The following NUDT5 variants were observed in gnomAD, a reference collection of about 807,000 sequenced individuals.
NUDT5 encodes nudix hydrolase 5.
NUDT5 carries 21 observed loss-of-function variants against 34.1 expected under a neutral mutation model. The ratio of observed to expected loss-of-function variants is 0.62; its 90% CI spans 0.44 to 0.89. The LOEUF (loss-of-function observed/expected upper bound fraction) is 0.89, where lower values mean the gene tolerates loss of function less well. Among genes scored for constraint, NUDT5 ranks in the 40% least tolerant of loss-of-function variants. The probability of loss-of-function intolerance (pLI) is 0.00; values close to 1 mark genes in which losing one functional copy is unlikely to be tolerated. For missense variants in NUDT5, 249 were observed against 274.8 expected (o/e 0.91, Z 0.66); for synonymous variants, 85 against 97.6 (o/e 0.87, Z 0.76).
intron 1 of NUDT5, among the ~76,000 whole-genome samples, chr10:12,189,980 G>A (rs1183378424): frequency 4.7e-5 from 7 of 149,936 alleles, no homozygotes; most frequent in Admixed American, 3.3e-4. Context: ...TGCAAGCTCC[G>A]CCTCCTGGGT....
rs531311182 is a variant in NUDT5, at chr10:12,177,678, T to A, written c.289+115A>T. 1.0e-5 allele frequency: 8 copies of A among 770,538 alleles called. No homozygotes were observed. In the African/African-American group the frequency reaches 1.4e-4, roughly 13 times the overall value. 47.7% of individuals were successfully genotyped at this position (770,538 alleles called of 1,614,324 possible). On this transcript the variant is annotated intron_variant, in intron 5 of 9. Transcript: ENST00000491614. Reference sequence around the variant, plus strand: ...GCCTCGCTACGAAATGGTTTAGTTTTACTTAAAACCACAAGGACAGATTAA... The same window carrying A: ...GCCTCGCTACGAAATGGTTTAGTTTAACTTAAAACCACAAGGACAGATTAA...
At chr10:12,177,460 A>G (rs552018528) in intron 5 of NUDT5, among the ~76,000 whole-genome samples, 4 of 152,138 alleles carry the variant, frequency 2.6e-5, no homozygotes, top group African/African-American at 9.7e-5. Context: ...CGGAGGTTGC[A>G]GTGAGCCGAG....
chr10:12,183,422 G>A (rs1357138146), intron 3 of NUDT5, among the ~76,000 whole-genome samples: 1 of 152,086 alleles, frequency 6.6e-6, no homozygotes. Flanking sequence ...CCTTATTAAG[G>A]GCTTTGCTAG....
At position 12,170,599 on chromosome 10, in the gene NUDT5, C is replaced by A; in HGVS notation, c.550+118G>T. The A allele has an allele frequency of 1.0e-6, 1 of 965,970 alleles. No individual in the cohort carries two copies. The highest frequency in any genetic ancestry group is 1.7e-6 in the Non-Finnish European group (1 of 602,152). 59.8% of individuals were successfully genotyped at this position (965,970 alleles called of 1,614,324 possible). ...ACCTGCAGTTTTACAAGTTGCTAGG[C>A]ATTTGACTTTAGTGATACAAAAAAG... On this transcript the variant is annotated intron_variant, in intron 9 of 9. Coordinates refer to ENST00000491614, the MANE Select transcript of NUDT5 (RefSeq NM_014142.4). This position sits in a 1 kb window ranked among gnomAD's most constrained non-coding sequence, Gnocchi z 4.9.
intron 4 of NUDT5, among the ~76,000 whole-genome samples, chr10:12,178,790 T>C (rs997422607): frequency 1.3e-5 from 2 of 152,222 alleles, no homozygotes; most frequent in Admixed American, 6.6e-5. Context: ...CAAGGACTTC[T>C]AGAAGTCATA....
Position 12,171,820 on chromosome 10 carries a change from G to A in NUDT5, c.488-912C>T, listed in dbSNP as rs902225079. On this transcript the variant is annotated intron_variant, in intron 7 of 9. Coordinates refer to ENST00000491614, the MANE Select transcript of NUDT5 (RefSeq NM_014142.4). The surrounding 1 kb of genome is among the most constrained non-coding windows in gnomAD (Gnocchi z 4.2). ...ACTCACTGCAACCTCCGCCTCCTGG[G>A]TTCAAGTGATTCTTGTGTCTCAGCT... 1.3e-5 allele frequency among the ~76,000 whole-genome samples: 2 copies of A among 151,716 alleles called. No homozygotes were observed. Among genetic ancestry groups the A allele is most frequent in the African/African-American group, 2.4e-5 (1 of 41,280 alleles).
chr10:12,175,018 G>C lies in NUDT5; in HGVS notation c.290-1205C>G, dbSNP rs1834925969. On this transcript the variant is annotated intron_variant, in intron 5 of 9. Transcript: ENST00000491614. This position sits in a 1 kb window ranked among gnomAD's most constrained non-coding sequence, Gnocchi z 4.8. ...GCAACGCAGACTCTTTTTCCTGAAA[G>C]GAATTAAAAAATATAATAAGGCTGG... Among the ~76,000 whole-genome samples the C allele has an allele frequency of 6.6e-6, 1 of 152,138 alleles. No individual in the cohort carries two copies. The highest frequency in any genetic ancestry group is 2.4e-5 in the African/African-American group (1 of 41,418).
At chr10:12,190,305 GATGTGTA>G (rs1835201642) in intron 1 of NUDT5, among the ~76,000 whole-genome samples, 1 of 152,128 alleles carries the variant, frequency 6.6e-6, no homozygotes, top group Admixed American at 6.5e-5. Flanking sequence ...GGATGTGTTG[GATGTGTA>G]ATTCTCCAGA....
chr10:12,171,040 T>C lies in NUDT5; in HGVS notation c.488-132A>G. On this transcript the variant is annotated intron_variant, in intron 7 of 9. Coordinates refer to ENST00000491614, the MANE Select transcript of NUDT5 (RefSeq NM_014142.4). The surrounding 1 kb of genome is among the most constrained non-coding windows in gnomAD (Gnocchi z 4.2). ...TGGGTTTCTGCTAACTTAATTTATA[T>C]ACATTGTCAAACTCGAGCAGTATGA... is the stretch of plus-strand genomic sequence containing the variant. 2 of 918,974 alleles carry C rather than the reference T, an allele frequency of 2.2e-6. No individual in the cohort carries two copies. Among genetic ancestry groups the C allele is most frequent in the East Asian group, 2.6e-5 (1 of 38,062 alleles). 56.9% of individuals were successfully genotyped at this position (918,974 alleles called of 1,614,324 possible).
In NUDT5 at chr10:12,169,266, T is replaced by C; in HGVS notation, c.550+1451A>G. ...TTTCTCCCTTTTCTAAGACCAAAAG[T>C]GAAGTTAAGAAGGTGGAAGGGAGAA... On this transcript the variant is annotated intron_variant, in intron 9 of 9. Coordinates refer to ENST00000491614, the MANE Select transcript of NUDT5 (RefSeq NM_014142.4). The surrounding 1 kb of genome is among the most constrained non-coding windows in gnomAD (Gnocchi z 4.8). The C allele has an allele frequency of 6.5e-7, 1 of 1,549,714 alleles. No homozygotes were observed. Among genetic ancestry groups the C allele is most frequent in the Non-Finnish European group, 8.7e-7 (1 of 1,144,950 alleles).
At chr10:12,177,152 T>C (rs146552966) in intron 5 of NUDT5, among the ~76,000 whole-genome samples, 50 of 148,748 alleles carry the variant, frequency 3.4e-4, no homozygotes, top group African/African-American at 1.1e-3. Context: ...CTACTTATCA[T>C]TGGAAATTTC....
intron 5 of NUDT5, among the ~76,000 whole-genome samples, chr10:12,177,488 C>T (rs563022372): frequency 3.9e-5 from 6 of 152,316 alleles, no homozygotes; most frequent in Non-Finnish European, 8.8e-5. Flanking sequence ...CACTGCACTC[C>T]AGCCTGGGTG....
chr10:12,178,005 G>A (rs1017555601), intron 4 of NUDT5, 105 bp from the exon 5 acceptor site: 20 of 705,322 alleles, frequency 2.8e-5, no homozygotes, highest in Admixed American at 8.0e-5. Flanking sequence ...AAGAAACTCC[G>A]TTTTAATCTA....
intron 1 of NUDT5, among the ~76,000 whole-genome samples, chr10:12,193,684 TAAAAC>T (rs1228831144): frequency 6.6e-6 from 1 of 152,198 alleles, no homozygotes; most frequent in Non-Finnish European, 1.5e-5. Flanking sequence ...ACAAGTTACT[TAAAAC>T]CAACTGTAAT....
chr10:12,176,433 A>T (rs1453292808), intron 5 of NUDT5, among the ~76,000 whole-genome samples: 1 of 150,268 alleles, frequency 6.7e-6, no homozygotes, highest in Non-Finnish European at 1.5e-5. Context: ...GTGAGAGCCC[A>T]TCTCTACTAA....
intron 3 of NUDT5, 29 bp from the exon 4 acceptor site, chr10:12,179,161 A>G: frequency 1.3e-6 from 2 of 1,599,806 alleles, no homozygotes; most frequent in South Asian, 2.2e-5. Context: ...AAAAAAAGTC[A>G]TTAGTGCTAC....
intron 5 of NUDT5, among the ~76,000 whole-genome samples, chr10:12,174,627 G>T (rs952837102): frequency 1.2e-4 from 18 of 152,178 alleles, no homozygotes; most frequent in Non-Finnish European, 1.2e-4. Context: ...CTGAGCAGAT[G>T]AATCAGGTTC....
intron 4 of NUDT5, 101 bp from the exon 5 acceptor site, chr10:12,178,001 C>T: frequency 2.7e-6 from 2 of 752,486 alleles, no homozygotes; most frequent in East Asian, 2.7e-5. Flanking sequence ...CTTTAAGAAA[C>T]TCCGTTTTAA....
chr10:12,179,038 T>C (rs369535999), intron 4 of NUDT5, 45 bp downstream of exon 4: 3 of 1,523,632 alleles, frequency 2.0e-6, no homozygotes, highest in Non-Finnish European at 9.1e-7. Flanking sequence ...CGATCACAAG[T>C]GCTAACTTCC....
Sources: allele counts gnomAD v4.1 joint callset (sites outside exome capture counted in the v4.1 genomes callset), GRCh38; gene constraint gnomAD v4.1.1; non-coding constraint Gnocchi (gnomAD v3.1); transcripts MANE v1.5; gene names NCBI Gene and HGNC (gene_info 2026-07-23, HGNC 2026-07-21).